The following MAPK11 variants were observed in gnomAD, a reference collection of about 807,000 sequenced individuals.
MAPK11 encodes the protein mitogen-activated protein kinase 11, also known as MAP kinase 11.
MAPK11 carries 44 observed loss-of-function variants against 52.2 expected under a neutral mutation model. The ratio of observed to expected loss-of-function variants is 0.84; its 90% CI spans 0.66 to 1.08. The LOEUF is 1.08. Ranked by LOEUF, MAPK11 falls within the 50% of genes least tolerant of loss-of-function variation. The pLI, the probability that MAPK11 is intolerant of heterozygous loss-of-function variation, is 0.00. For missense variants in MAPK11, 436 were observed against 494.7 expected (o/e 0.88, Z 1.13); for synonymous variants, 233 against 206.3 (o/e 1.13, Z -1.11).
At chr22:50,265,188 T>C (rs989662503) in intron 11 of MAPK11, 133 bp downstream of exon 11, 2 of 1,341,828 alleles carry the variant, frequency 1.5e-6, no homozygotes, top group Admixed American at 1.8e-5. Context: ...TCCGCCCCGC[T>C]CCCAGCCTGT....
chr22:50,264,961 T>C lies in MAPK11; in HGVS notation c.1082A>G (p.Glu361Gly). The change falls in exon 12 of 12, where the codon GAG becomes GGG. Residue 361 changes from glutamate (E) to glycine (G), a missense_variant. Glu to Gly is a moderately conservative substitution (Grantham distance 98, BLOSUM62 -2). Coordinates refer to ENST00000330651, the MANE Select transcript of MAPK11 (RefSeq NM_002751.7). ...PEPPKPPGSL[E>G]IEQ ...CTGGGCAGCACCTCACTGCTCAATC[T>C]CCAGGCTGCCAGGTGGCTTCGGTGG... The C allele has an allele frequency of 6.2e-7, 1 of 1,611,956 alleles. No homozygotes were observed. Among genetic ancestry groups the C allele is most frequent in the Non-Finnish European group, 8.5e-7 (1 of 1,179,376 alleles).
rs769938948 is a variant in MAPK11 at position 50,270,264 on chromosome 22, C to T, written c.29G>A (p.Arg10Gln). MSGPRAGFY[R>Q]QELNKTVWEV... Reference sequence around the variant, plus strand: ...CCACACGGTCTTGTTCAGCTCCTGCCGGTAGAAGCCGGCGCGAGGGCCCGA... The same window carrying T: ...CCACACGGTCTTGTTCAGCTCCTGCTGGTAGAAGCCGGCGCGAGGGCCCGA... Residue 10 changes from arginine to glutamine, a missense_variant, in exon 1 of 12, where the codon CGG (arginine) becomes CAG (glutamine). Arg to Gln is a conservative substitution (Grantham distance 43). Transcript: ENST00000330651. This position sits in a 1 kb window ranked among gnomAD's most constrained non-coding sequence, Gnocchi z 6.3. 7.0e-7 allele frequency: 1 copy of T among 1,434,410 alleles called. No homozygotes were observed. The highest frequency in any genetic ancestry group is 9.2e-7 in the Non-Finnish European group (1 of 1,091,602). The allele number at this position is 1,434,410 out of a possible 1,614,324, so 88.9% of individuals were successfully genotyped here. A position where few individuals can be genotyped will look rare whatever the true frequency, so the allele number is the denominator to read the frequency against.
At position 50,267,298 on chromosome 22, in the gene MAPK11, G is replaced by C. The variant is rs1231150779; in HGVS notation, c.418-12C>G. ...GCCGAGTGGATGTACTGCGGGAGGG[G>C]GATTGTGGTGAGCGCCGGGCCCGGC... On this transcript the variant is annotated splice_polypyrimidine_tract_variant and intron_variant, in intron 4 of 11. Transcript: ENST00000330651. 1 of 1,599,138 alleles carries C rather than the reference G, an allele frequency of 6.3e-7. No individual in the cohort carries two copies. The highest frequency in any genetic ancestry group is 1.7e-5 in the Admixed American group (1 of 57,832).
chr22:50,265,558 A>T, intron 10 of MAPK11, 24 bp downstream of exon 10: 1 of 1,612,130 alleles, frequency 6.2e-7, no homozygotes, highest in Non-Finnish European at 8.5e-7. Context: ...TATGGAGCCC[A>T]GTCTAGCCCA....
chr22:50,266,778 A>G (rs2065265608), intron 7 of MAPK11, 156 bp downstream of exon 7: 3 of 950,272 alleles, frequency 3.2e-6, no homozygotes, highest in Non-Finnish European at 4.9e-6. Context: ...GGAGGCCAGC[A>G]CCCATCATGC....
rs890390617 is a variant in MAPK11 at position 50,270,348 on chromosome 22, C to G, written c.-56G>C. On this transcript the variant is annotated 5_prime_UTR_variant, in exon 1 of 12. Transcript: ENST00000330651. The surrounding 1 kb of genome is among the most constrained non-coding windows in gnomAD (Gnocchi z 6.3). ...CAGCCCCGCGCCCCGCGCCCGCGCC[C>G]GAGCCGAGCCCGAGCCGAGCGGAGC... is the stretch of plus-strand genomic sequence containing the variant. 2.8e-6 allele frequency: 2 copies of G among 705,982 alleles called. No individual in the cohort carries two copies. Among genetic ancestry groups the G allele is most frequent in the Non-Finnish European group, 1.8e-6 (1 of 557,328 alleles). 43.7% of individuals were successfully genotyped at this position (705,982 alleles called of 1,614,324 possible). A position where few individuals can be genotyped will look rare whatever the true frequency, so the allele number is the denominator to read the frequency against.
Position 50,264,847 on chromosome 22 carries a change from C to T in MAPK11, c.*101G>A, listed in dbSNP as rs201535610. The T allele has an allele frequency of 2.2e-5, 19 of 876,370 alleles. No individual in the cohort carries two copies. Among genetic ancestry groups the T allele is most frequent in the Non-Finnish European group, 3.4e-5 (19 of 558,298 alleles). The allele number at this position is 876,370 out of a possible 1,614,324, so 54.3% of individuals were successfully genotyped here. ...GGGTCCTAGGCCAGAAGTCTGTGAC[C>T]ATAGGAGTGTGGGAGGTGCCTCTCG... On this transcript the variant is annotated 3_prime_UTR_variant, in exon 12 of 12. Coordinates refer to ENST00000330651, the MANE Select transcript of MAPK11 (RefSeq NM_002751.7).
At chr22:50,269,944 G>A (rs1047171488) in intron 1 of MAPK11, among the ~76,000 whole-genome samples, 4 of 151,734 alleles carry the variant, frequency 2.6e-5, no homozygotes, top group Non-Finnish European at 5.9e-5. Flanking sequence ...GGAGCAGTCC[G>A]AATCGGGAGA....
Position 50,266,317 on chromosome 22 carries a change from A to G in MAPK11, c.683-12T>C. Reference sequence around the variant, plus strand: ...CAGCTGGTCAATGTCTGTGTCACTCAGGAAACACCCACGGGCCAGCCACAG... The same window carrying G: ...CAGCTGGTCAATGTCTGTGTCACTCGGGAAACACCCACGGGCCAGCCACAG... On this transcript the variant is annotated splice_polypyrimidine_tract_variant and intron_variant, in intron 8 of 11. Transcript: ENST00000330651. The G allele has an allele frequency of 3.1e-6, 5 of 1,602,538 alleles. No homozygotes were observed. Among genetic ancestry groups the G allele is most frequent in the Non-Finnish European group, 4.3e-6 (5 of 1,174,580 alleles).
At chr22:50,269,617 C>G (rs1319962336) in intron 1 of MAPK11, among the ~76,000 whole-genome samples, 2 of 152,182 alleles carry the variant, frequency 1.3e-5, no homozygotes, top group African/African-American at 2.4e-5. Flanking sequence ...CAGACTCTGT[C>G]GTCTTCCTGG....
chr22:50,266,492 C>A (rs2065262985), intron 8 of MAPK11, 48 bp downstream of exon 8: 3 of 1,490,810 alleles, frequency 2.0e-6, no homozygotes, highest in Non-Finnish European at 2.7e-6. Flanking sequence ...CCCTACCCTA[C>A]AGGAGGGGCC....
At chr22:50,269,108 T>G (rs2009788) in intron 1 of MAPK11, among the ~76,000 whole-genome samples, 110,716 of 151,932 alleles carry the variant, frequency 0.73, 40,467 homozygotes, top group Admixed American at 0.77. Context: ...AGTCCAGCCA[T>G]GACCCACCCT....
rs1272203260 is a variant in MAPK11 at position 50,264,472 on chromosome 22, G to A, written c.*476C>T. 1 of 158,314 alleles carries A rather than the reference G, an allele frequency of 6.3e-6. No homozygotes were observed. The highest frequency in any genetic ancestry group is 1.4e-5 in the Non-Finnish European group (1 of 71,202). The allele number at this position is 158,314 out of a possible 1,614,324, so 9.8% of individuals were successfully genotyped here. A position where few individuals can be genotyped will look rare whatever the true frequency, so the allele number is the denominator to read the frequency against. On this transcript the variant is annotated 3_prime_UTR_variant, in exon 12 of 12. Transcript: ENST00000330651. ...ACCTGTGGGTCTCAGCAGTGACCAA[G>A]ACAGCCCCCTACCTCCAGGCTGAGC...
intron 9 of MAPK11, among the ~76,000 whole-genome samples, chr22:50,265,861 TC>T: frequency 6.8e-6 from 1 of 147,740 alleles, no homozygotes; most frequent in Admixed American, 6.6e-5. Flanking sequence ...AGGAGCTGGG[TC>T]CAAGTACACT....
chr22:50,266,355 C>A (rs750801269), intron 8 of MAPK11, 50 bp from the exon 9 acceptor site: 3 of 1,540,500 alleles, frequency 1.9e-6, no homozygotes, highest in South Asian at 2.3e-5. Context: ...CCCTCCTGGG[C>A]CCCCAGACCC....
intron 11 of MAPK11, 124 bp from the exon 12 acceptor site, chr22:50,265,151 G>A (rs981745514): frequency 1.6e-6 from 2 of 1,230,302 alleles, no homozygotes; most frequent in Non-Finnish European, 2.3e-6. Flanking sequence ...CACAGTCTGG[G>A]AGCCAGAACC....
At chr22:50,265,766 C>A in intron 9 of MAPK11, 106 bp from the exon 10 acceptor site, 1 of 703,990 alleles carries the variant, frequency 1.4e-6, no homozygotes, top group Non-Finnish European at 2.4e-6. Context: ...CTCCAACAGG[C>A]CAGGACAAGG....
At chr22:50,265,288 C>T (rs777462400) in intron 11 of MAPK11, 33 bp downstream of exon 11, 5 of 1,609,596 alleles carry the variant, frequency 3.1e-6, no homozygotes, top group Non-Finnish European at 3.4e-6. Flanking sequence ...CCCGCAGGCC[C>T]CTGGACCCAC....
At chr22:50,268,444 A>T (rs1240208527) in intron 1 of MAPK11, among the ~76,000 whole-genome samples, 1 of 152,198 alleles carries the variant, frequency 6.6e-6, no homozygotes, top group Non-Finnish European at 1.5e-5. Context: ...ATACGGAGGG[A>T]AAGTTGGTCA....
Sources: gnomAD v4.1 joint callset for allele counts (sites outside exome capture counted in the v4.1 genomes callset) on GRCh38, gnomAD v4.1.1 for gene constraint, Gnocchi (gnomAD v3.1) non-coding constraint, MANE v1.5 for transcripts, NCBI Gene and HGNC (gene_info 2026-07-23, HGNC 2026-07-21) for gene names.